Variants in SLC16A7 observed in about 807,000 individuals in gnomAD.
SLC16A7 encodes monocarboxylate transporter 2.
SLC16A7 carries 33 observed loss-of-function variants against 34.9 expected under a neutral mutation model. That is an observed-to-expected ratio of 0.94 (90% CI 0.72 to 1.26). The LOEUF is 1.26. Among genes scored for constraint, SLC16A7 ranks in the 50% most tolerant of loss-of-function variants. The probability of loss-of-function intolerance (pLI) is 0.00; values close to 1 mark genes in which losing one functional copy is unlikely to be tolerated. For synonymous variants in SLC16A7, 201 were observed against 206.6 expected, an observed-to-expected ratio of 0.97 and a Z score of 0.23; for missense variants, 573 against 578.1, an observed-to-expected ratio of 0.99 and a Z score of 0.09.
intron 3 of SLC16A7, among the ~76,000 whole-genome samples, chr12:59,722,758 C>T (rs747784461): frequency 7.9e-5 from 12 of 151,874 alleles, no homozygotes; most frequent in African/African-American, 1.2e-4. Context: ...ACACGTCACA[C>T]GGTTCTATCC....
chr12:59,742,076 C>A (rs746199686), intron 3 of SLC16A7, among the ~76,000 whole-genome samples: 22 of 152,140 alleles, frequency 1.4e-4, no homozygotes, highest in Non-Finnish European at 2.8e-4. Flanking sequence ...AGCCCTTTCC[C>A]ATGATTCTTC....
chr12:59,662,523 A>G (rs1868909569), intron 2 of SLC16A7, among the ~76,000 whole-genome samples: 1 of 152,014 alleles, frequency 6.6e-6, no homozygotes, highest in African/African-American at 2.4e-5. Context: ...ACCTTGGCAA[A>G]ACTTAGTCAC....
At chr12:59,607,270 A>G (rs1878989625) in intron 1 of SLC16A7, among the ~76,000 whole-genome samples, 2 of 152,230 alleles carry the variant, frequency 1.3e-5, no homozygotes, top group South Asian at 4.1e-4. Flanking sequence ...GAGCTGAGAG[A>G]TGGATAGTCT....
chr12:59,699,430 A>T (rs1263901470), intron 2 of SLC16A7, among the ~76,000 whole-genome samples: 1 of 151,708 alleles, frequency 6.6e-6, no homozygotes, highest in Non-Finnish European at 1.5e-5. Flanking sequence ...ATTAGAAAAA[A>T]TTTTAAAATT....
intron 2 of SLC16A7, among the ~76,000 whole-genome samples, chr12:59,664,083 C>T (rs577227638): frequency 1.3e-5 from 2 of 152,072 alleles, no homozygotes; most frequent in South Asian, 4.2e-4. Context: ...AATCCAGGAC[C>T]CCATATTTTA....
chr12:59,730,509 C>A (rs995364129), intron 3 of SLC16A7, among the ~76,000 whole-genome samples: 1 of 151,646 alleles, frequency 6.6e-6, no homozygotes, highest in Non-Finnish European at 1.5e-5. Flanking sequence ...CAGCTGAGTA[C>A]AAATATTGGT....
chr12:59,627,793 A>T (rs1879994142), intron 1 of SLC16A7, among the ~76,000 whole-genome samples: 1 of 151,246 alleles, frequency 6.6e-6, no homozygotes. Flanking sequence ...CAGGCCTTCT[A>T]AGCTGATGAT....
chr12:59,639,643 C>T (rs531757675), intron 1 of SLC16A7, among the ~76,000 whole-genome samples: 1 of 152,244 alleles, frequency 6.6e-6, no homozygotes, highest in African/African-American at 2.4e-5. Flanking sequence ...ATCTTGGCCT[C>T]CCAAAGTGCC....
chr12:59,604,221 A>G (rs1258678603), intron 1 of SLC16A7, among the ~76,000 whole-genome samples: 1 of 152,226 alleles, frequency 6.6e-6, no homozygotes, highest in African/African-American at 2.4e-5. Flanking sequence ...GTAACTTGTC[A>G]ATATCTCTTC....
chr12:59,669,521 G>T (rs767925602), intron 2 of SLC16A7, among the ~76,000 whole-genome samples: 1 of 152,090 alleles, frequency 6.6e-6, no homozygotes. Flanking sequence ...ATGCTTCTCA[G>T]TTTCCATTTC....
chr12:59,735,523 G>T (rs1212479418), intron 3 of SLC16A7, among the ~76,000 whole-genome samples: 1 of 152,116 alleles, frequency 6.6e-6, no homozygotes, highest in Non-Finnish European at 1.5e-5. Context: ...TCTGTTTGTG[G>T]TAGGTTTTAT....
At chr12:59,695,354 G>C (rs1311806649) in intron 2 of SLC16A7, among the ~76,000 whole-genome samples, 3 of 151,878 alleles carry the variant, frequency 2.0e-5, no homozygotes. Context: ...GAATTACCCA[G>C]CTTTAAAAAG....
chr12:59,700,352 G>C (rs1230938760), intron 2 of SLC16A7, among the ~76,000 whole-genome samples: 1 of 151,332 alleles, frequency 6.6e-6, no homozygotes, highest in Non-Finnish European at 1.5e-5. Flanking sequence ...AGATTTATAA[G>C]TCTATGTGCA....
chr12:59,698,280 A>ATC (rs1371024870), intron 2 of SLC16A7, among the ~76,000 whole-genome samples: 1 of 151,832 alleles, frequency 6.6e-6, no homozygotes, highest in African/African-American at 2.4e-5. Context: ...ATTTTAAAGA[A>ATC]ATCCAAATAA....
intron 3 of SLC16A7, among the ~76,000 whole-genome samples, chr12:59,719,435 G>A (rs1257686486): frequency 6.6e-6 from 1 of 151,832 alleles, no homozygotes; most frequent in Non-Finnish European, 1.5e-5. Flanking sequence ...AGAGAAGCTT[G>A]AAAAAGATCT....
intron 3 of SLC16A7, among the ~76,000 whole-genome samples, chr12:59,744,533 G>A (rs953710876): frequency 2.6e-5 from 4 of 151,996 alleles, no homozygotes; most frequent in African/African-American, 7.2e-5. Context: ...CAATTCATTC[G>A]TGCAACCTGA....
At chr12:59,679,652 TC>T (rs1435624381) in intron 2 of SLC16A7, among the ~76,000 whole-genome samples, 1 of 152,210 alleles carries the variant, frequency 6.6e-6, no homozygotes, top group Non-Finnish European at 1.5e-5. Flanking sequence ...CTACATTTTG[TC>T]CTTTTATAGA....
chr12:59,771,383 CT>C, intron 4 of SLC16A7, 21 bp downstream of exon 4: 1 of 1,532,126 alleles, frequency 6.5e-7, no homozygotes, highest in Non-Finnish European at 8.8e-7. Context: ...TAGTCTTCAG[CT>C]TATTCTTAAC....
At chr12:59,645,912 T>C (rs1189665934) in intron 1 of SLC16A7, among the ~76,000 whole-genome samples, 1 of 152,148 alleles carries the variant, frequency 6.6e-6, no homozygotes, top group Non-Finnish European at 1.5e-5. Context: ...GCAGTAAAAG[T>C]CACTCTTGCT....
Sources: allele counts gnomAD v4.1 joint callset (sites outside exome capture counted in the v4.1 genomes callset), GRCh38; gene constraint gnomAD v4.1.1; transcripts MANE v1.5; gene names NCBI Gene and HGNC (gene_info 2026-07-23, HGNC 2026-07-21).